SLC8A1: variants seen among roughly 807,000 people sequenced by gnomAD.
SLC8A1 encodes the protein sodium/calcium exchanger 1.
In SLC8A1, 18 loss-of-function variants were observed where a neutral mutation model predicts 68.3. The ratio of observed to expected loss-of-function variants is 0.26; its 90% CI spans 0.18 to 0.39. SLC8A1 has a LOEUF of 0.39. Ranked by LOEUF, SLC8A1 falls within the 10% of genes least tolerant of loss-of-function variation. The pLI is 1.00. For synonymous variants in SLC8A1, 475 were observed against 415.5 expected (o/e 1.14, Z -1.74); for missense variants, 985 against 1,156.7 (o/e 0.85, Z 2.15).
intron 2 of SLC8A1, among the ~76,000 whole-genome samples, chr2:40,287,620 G>GTGTGTGTGTGTGTGTGTGTGT (rs2068555236): frequency 6.7e-6 from 1 of 149,904 alleles, no homozygotes; most frequent in East Asian, 2.0e-4. Context: ...GTGTGTGTGT[G>GTGTGTGTGTGTGTGTGTGTGT]CATGCAGGGA....
chr2:40,378,501 A>G (rs1680679567), intron 2 of SLC8A1, among the ~76,000 whole-genome samples: 1 of 152,076 alleles, frequency 6.6e-6, no homozygotes, highest in Admixed American at 6.6e-5. Context: ...GGCTTTGTGG[A>G]GTTTTTACTC....
At position 40,412,794 on chromosome 2, in the gene SLC8A1, T is replaced by C. The variant is rs185701751; in HGVS notation, c.1808+15679A>G. Among the ~76,000 whole-genome samples, 453 of 152,314 alleles carry C rather than the reference T, an allele frequency of 3.0e-3. 1 individual carries two copies. The highest frequency in any genetic ancestry group is 5.7e-3 in the Admixed American group (87 of 15,292). On this transcript the variant is annotated intron_variant, in intron 2 of 7. Transcript: ENST00000406785. ...CAACTAGGAAGACACCAACCTCATT[T>C]TACTATGGATGAAAACTATTGATGG...
chr2:40,382,908 G>T (rs1303824769), intron 2 of SLC8A1, among the ~76,000 whole-genome samples: 3 of 151,906 alleles, frequency 2.0e-5, no homozygotes, highest in Non-Finnish European at 4.4e-5. Context: ...TGTCTTTCTT[G>T]GTTGATTCAT....
intron 2 of SLC8A1, among the ~76,000 whole-genome samples, chr2:40,302,103 G>T (rs1314810021): frequency 6.8e-6 from 1 of 147,282 alleles, no homozygotes; most frequent in East Asian, 2.1e-4. Context: ...CGCCGTGATG[G>T]CCAGGCTAGT....
At chr2:40,324,415 A>T (rs374328516) in intron 2 of SLC8A1, among the ~76,000 whole-genome samples, 12 of 152,308 alleles carry the variant, frequency 7.9e-5, no homozygotes, top group African/African-American at 2.6e-4. Flanking sequence ...CCAACATGGC[A>T]AGATTATTTA....
At chr2:40,261,086 G>A (rs1254536839) in intron 2 of SLC8A1, among the ~76,000 whole-genome samples, 1 of 152,162 alleles carries the variant, frequency 6.6e-6, no homozygotes. Flanking sequence ...AGGTCAAAAT[G>A]GCACTTGCTG....
chr2:40,316,601 T>C (rs72943127), intron 2 of SLC8A1, among the ~76,000 whole-genome samples: 13 of 152,056 alleles, frequency 8.5e-5, no homozygotes, highest in Non-Finnish European at 1.9e-4. Flanking sequence ...AACACAATAA[T>C]GTATTAGGTC....
chr2:40,244,175 A>G (rs2148982352), intron 2 of SLC8A1, among the ~76,000 whole-genome samples: 1 of 152,260 alleles, frequency 6.6e-6, no homozygotes, highest in African/African-American at 2.4e-5. Context: ...CTTTCCTGGT[A>G]TCTCCTCACT....
intron 2 of SLC8A1, among the ~76,000 whole-genome samples, chr2:40,276,000 C>G (rs2066647857): frequency 6.6e-6 from 1 of 152,142 alleles, no homozygotes; most frequent in Admixed American, 6.5e-5. Flanking sequence ...TGACTAAACA[C>G]CAAAGATGTT....
rs1197784289 is a variant in SLC8A1 at position 40,284,635 on chromosome 2, GA to G, written c.1809-106781del. On this transcript the variant is annotated intron_variant, in intron 2 of 7. Coordinates refer to ENST00000406785, the Ensembl canonical transcript of SLC8A1. Reference sequence around the variant, plus strand: ...ATAAATTAAATTGAAAGCTTTTGGGGAAAAACATATATAAATATAAATATAA... The same window carrying G: ...ATAAATTAAATTGAAAGCTTTTGGGGAAAACATATATAAATATAAATATAA... Among the ~76,000 whole-genome samples the G allele has an allele frequency of 6.3e-5, 9 of 142,606 alleles. No individual in the cohort carries two copies. In the East Asian group the frequency reaches 1.2e-3, roughly 19 times the overall value. The allele number at this position is 142,606 out of a possible 152,430, so 93.6% of individuals were successfully genotyped here.
intron 1 of SLC8A1, among the ~76,000 whole-genome samples, chr2:40,463,707 T>G (rs1334297175): frequency 1.3e-5 from 2 of 152,072 alleles, no homozygotes; most frequent in Non-Finnish European, 2.9e-5. Context: ...ACCAGATTGC[T>G]TTTCAGATTG....
intron 1 of SLC8A1, among the ~76,000 whole-genome samples, chr2:40,492,501 A>G (rs1384483697): frequency 6.6e-6 from 1 of 151,994 alleles, no homozygotes; most frequent in Non-Finnish European, 1.5e-5. Flanking sequence ...AATGGGATCT[A>G]ATTAAACTAA....
At chr2:40,217,755 T>C (rs370393285) in intron 2 of SLC8A1, among the ~76,000 whole-genome samples, 85 of 152,312 alleles carry the variant, frequency 5.6e-4, no homozygotes, top group South Asian at 2.5e-3. Context: ...AGTTTGAAGA[T>C]TGTAATCACA....
In SLC8A1 at chr2:40,286,333, A is replaced by C. The variant is rs571217031; in HGVS notation, c.1809-108478T>G. On this transcript the variant is annotated intron_variant, in intron 2 of 7. Transcript: ENST00000406785. ...CTTCCATACTGTCATCTATACAACA[A>C]ATCAGACCAGGATATGAAAGACAGA... Among the ~76,000 whole-genome samples, 69 of 152,272 alleles carry C rather than the reference A, an allele frequency of 4.5e-4. 1 individual carries two copies. Among genetic ancestry groups the C allele is most frequent in the African/African-American group, 1.6e-3 (67 of 41,558 alleles).
chr2:40,201,186 T>C (rs1374448727), intron 2 of SLC8A1, among the ~76,000 whole-genome samples: 1 of 151,876 alleles, frequency 6.6e-6, no homozygotes, highest in African/African-American at 2.4e-5. Flanking sequence ...TTATGTAAGA[T>C]AAATGCCACC....
chr2:40,139,204 A>T (rs1164468961), intron 7 of SLC8A1, among the ~76,000 whole-genome samples, 197 bp downstream of exon 10: 2 of 152,182 alleles, frequency 1.3e-5, no homozygotes, highest in African/African-American at 4.8e-5. Context: ...TGTCATTGCA[A>T]TGACACTGAC....
At chr2:40,305,304 T>G (rs1238488086) in intron 2 of SLC8A1, among the ~76,000 whole-genome samples, 2 of 152,154 alleles carry the variant, frequency 1.3e-5, no homozygotes. Flanking sequence ...GCACTGGATG[T>G]TGAGGGCTGA....
At chr2:40,165,852 C>T (rs1286750625) in intron 4 of SLC8A1, among the ~76,000 whole-genome samples, 1 of 152,166 alleles carries the variant, frequency 6.6e-6, no homozygotes, top group Non-Finnish European at 1.5e-5. Context: ...AAATCCCAGA[C>T]TGAAAAGGCC....
chr2:40,205,506 A>T (rs991138420), intron 2 of SLC8A1, among the ~76,000 whole-genome samples: 2 of 151,968 alleles, frequency 1.3e-5, no homozygotes, highest in African/African-American at 4.8e-5. Flanking sequence ...AGGGACATGG[A>T]TGGAGCTGGA....
Sources: allele counts gnomAD v4.1 joint callset (sites outside exome capture counted in the v4.1 genomes callset), GRCh38; gene constraint gnomAD v4.1.1; transcripts MANE v1.5; gene names NCBI Gene and HGNC (gene_info 2026-07-23, HGNC 2026-07-21).